ZNF415: variants seen among roughly 807,000 people sequenced by gnomAD.
ZNF415 encodes zinc finger protein 415.
ZNF415 carries 5 observed loss-of-function variants against 7.3 expected under a neutral mutation model. The ratio of observed to expected loss-of-function variants is 0.69; its 90% CI spans 0.36 to 1.44. The LOEUF is 1.44. Ranked by LOEUF, ZNF415 falls within the 40% of genes most tolerant of loss-of-function variation. The pLI is 0.04. For synonymous variants in ZNF415, 207 were observed against 226.3 expected, an observed-to-expected ratio of 0.91 and a Z score of 0.77; for missense variants, 628 against 664.8, an observed-to-expected ratio of 0.94 and a Z score of 0.61.
At position 53,109,858 on chromosome 19, in the gene ZNF415, T is replaced by TA; in HGVS notation, c.186dup (p.Asn63Ter). 6.2e-7 allele frequency: 1 copy of TA among 1,610,890 alleles called. No individual in the cohort carries two copies. The highest frequency in any genetic ancestry group is 8.5e-7 in the Non-Finnish European group (1 of 1,179,010). On this transcript the variant is annotated frameshift_variant, in exon 4 of 4. Coordinates refer to ENST00000243643, the MANE Select transcript of ZNF415 (RefSeq NM_018355.4). LOFTEE classifies it low-confidence loss of function (END_TRUNC). ...ACTGTGTGGAATACTTCTCCTGGGT[T>TA]ACCTTCCTGTTGTGGTGCTAGTTCC...
At chr19:53,131,432 T>C (rs2090062822) in intron 1 of ZNF415, among the ~76,000 whole-genome samples, 1 of 152,190 alleles carries the variant, frequency 6.6e-6, no homozygotes, top group Non-Finnish European at 1.5e-5. Flanking sequence ...TCTCATCATC[T>C]GTGCATTTTA....
chr19:53,121,056 C>T (rs1448916442), intron 2 of ZNF415, among the ~76,000 whole-genome samples: 2 of 134,846 alleles, frequency 1.5e-5, no homozygotes, highest in Non-Finnish European at 3.1e-5. Flanking sequence ...TGCACTCCAG[C>T]CTGGGTGACA....
intron 2 of ZNF415, among the ~76,000 whole-genome samples, 174 bp from the exon 3 acceptor site, chr19:53,116,607 TTCTC>T (rs753735043): frequency 1.1e-5 from 1 of 91,826 alleles, no homozygotes; most frequent in Non-Finnish European, 2.2e-5. Context: ...GTGGTTTTTT[TTCTC>T]TCTTTTTTTT....
intron 1 of ZNF415, among the ~76,000 whole-genome samples, chr19:53,130,933 C>T (rs13345496): frequency 0.23 from 34,374 of 151,966 alleles, 4,086 homozygotes; most frequent in African/African-American, 0.24. Flanking sequence ...CATGAGCCAC[C>T]ATGCCCAGCC....
intron 1 of ZNF415, chr19:53,123,947 T>C: frequency 5.9e-6 from 1 of 170,410 alleles, no homozygotes; most frequent in East Asian, 1.5e-4. Flanking sequence ...AGCAGAAAGT[T>C]GAGGAGAAGG....
intron 1 of ZNF415, among the ~76,000 whole-genome samples, chr19:53,126,232 T>C (rs1458056543): frequency 4.6e-5 from 7 of 151,010 alleles, no homozygotes; most frequent in Non-Finnish European, 2.9e-5. Flanking sequence ...GGGCCCTTCA[T>C]GGAGACCACT....
At chr19:53,130,556 T>C (rs1325012389) in intron 1 of ZNF415, among the ~76,000 whole-genome samples, 1 of 152,148 alleles carries the variant, frequency 6.6e-6, no homozygotes, top group Non-Finnish European at 1.5e-5. Flanking sequence ...ACTGAATTAA[T>C]GAAGATCTAT....
In ZNF415 at chr19:53,115,764, T is replaced by C. The variant is rs1455524234; in HGVS notation, c.136+549A>G. On this transcript the variant is annotated intron_variant, in intron 3 of 3. Coordinates refer to ENST00000243643, the MANE Select transcript of ZNF415 (RefSeq NM_018355.4). Reference sequence around the variant, plus strand: ...GGTTTTCTTGCTACTCGTACTTGGCTTTCTATGGTCCAGGGCTCTTTCCTG... The same window carrying C: ...GGTTTTCTTGCTACTCGTACTTGGCCTTCTATGGTCCAGGGCTCTTTCCTG... 2.6e-6 allele frequency: 4 copies of C among 1,550,546 alleles called. No homozygotes were observed. The East Asian group carries it at 9.8e-5, about 38-fold the overall frequency.
At chr19:53,117,416 G>A (rs2087238705) in intron 2 of ZNF415, among the ~76,000 whole-genome samples, 1 of 150,694 alleles carries the variant, frequency 6.6e-6, no homozygotes, top group East Asian at 1.9e-4. Flanking sequence ...ACTTCAGCCT[G>A]GGCAACAAGG....
At position 53,108,792 on chromosome 19, in the gene ZNF415, C is replaced by T. The variant is rs1600978679; in HGVS notation, c.1253G>A (p.Gly418Asp). 6.2e-7 allele frequency: 1 copy of T among 1,613,348 alleles called. No individual in the cohort carries two copies. The highest frequency in any genetic ancestry group is 8.5e-7 in the Non-Finnish European group (1 of 1,179,384). The change falls in exon 4 of 4, where the codon GGT becomes GAT. Residue 418 changes from glycine to aspartate, a missense_variant. Transcript: ENST00000243643. ...GTGTGAATTGTAACTGAAAACCTTA[C>T]CACATTCATTGCATTTGTAAGGTTT... is the stretch of plus-strand genomic sequence containing the variant. The part of the protein sequence containing the change: ...GEKPYKCNEC[G>D]KVFSYNSHLA...
At chr19:53,127,077 G>A (rs112219386) in intron 1 of ZNF415, among the ~76,000 whole-genome samples, 3,496 of 135,054 alleles carry the variant, frequency 0.026, 166 homozygotes, top group African/African-American at 0.09. Context: ...CCTTTGGGCC[G>A]CAGGTCAGTG....
intron 3 of ZNF415, among the ~76,000 whole-genome samples, chr19:53,111,235 C>T (rs1353994729): frequency 6.6e-5 from 10 of 152,026 alleles, no homozygotes; most frequent in African/African-American, 9.6e-5. Flanking sequence ...GTCAGCGAGC[C>T]AGTACCAGGA....
chr19:53,123,015 C>T (rs566063912), intron 1 of ZNF415, among the ~76,000 whole-genome samples: 14 of 152,178 alleles, frequency 9.2e-5, no homozygotes, highest in Non-Finnish European at 1.9e-4. Flanking sequence ...GATTAAACCC[C>T]ATGCAGAGCA....
intron 3 of ZNF415, 81 bp downstream of exon 3, chr19:53,116,232 A>AG: frequency 6.7e-7 from 1 of 1,495,792 alleles, no homozygotes; most frequent in Non-Finnish European, 9.0e-7. Context: ...CAGGTAATGC[A>AG]GGGGCTCCCA....
intron 1 of ZNF415, among the ~76,000 whole-genome samples, chr19:53,127,884 AAAAAAGAAAAAG>A (rs1555793061): frequency 1.3e-5 from 2 of 149,180 alleles, no homozygotes; most frequent in Admixed American, 6.7e-5. Flanking sequence ...TCAAAAAAAA[AAAAAAGAAAAAG>A]AAAAAGAAAA....
intron 1 of ZNF415, among the ~76,000 whole-genome samples, chr19:53,125,884 G>C (rs2146583414): frequency 6.6e-6 from 1 of 152,050 alleles, no homozygotes; most frequent in African/African-American, 2.4e-5. Context: ...GTTGCAGTGA[G>C]CTAAGATCAC....
At chr19:53,116,774 T>G (rs2087125099) in intron 2 of ZNF415, among the ~76,000 whole-genome samples, 1 of 152,074 alleles carries the variant, frequency 6.6e-6, no homozygotes, top group South Asian at 2.1e-4. Flanking sequence ...GTGTACAAAG[T>G]ACATTTGAAA....
At chr19:53,122,415 C>T in intron 2 of ZNF415, 1 of 1,537,526 alleles carries the variant, frequency 6.5e-7, no homozygotes, top group Non-Finnish European at 8.7e-7. Flanking sequence ...CCGTCTCCAT[C>T]CATGTCTGGG....
At chr19:53,111,303 A>G (rs1423278690) in intron 3 of ZNF415, among the ~76,000 whole-genome samples, 2 of 148,836 alleles carry the variant, frequency 1.3e-5, no homozygotes, top group African/African-American at 4.9e-5. Context: ...GGGAGATATA[A>G]ATTTCTGTGG....
Sources: allele counts gnomAD v4.1 joint callset (sites outside exome capture counted in the v4.1 genomes callset), GRCh38; gene constraint gnomAD v4.1.1; transcripts MANE v1.5; gene names NCBI Gene and HGNC (gene_info 2026-07-23, HGNC 2026-07-21).